The following NACC2 variants were observed in gnomAD, a reference collection of about 807,000 sequenced individuals.
The protein encoded by NACC2 is nucleus accumbens-associated protein 2.
A neutral mutation model predicts 25.1 loss-of-function variants in NACC2; 8 were observed. That is an observed-to-expected ratio of 0.32 (90% CI 0.19 to 0.57). The LOEUF (loss-of-function observed/expected upper bound fraction) is 0.57. NACC2 is among the 20% of genes least tolerant of loss of function. The pLI, the probability that NACC2 is intolerant of heterozygous loss-of-function variation, is 0.89. For missense variants in NACC2, 644 were observed against 650.2 expected, an observed-to-expected ratio of 0.99 and a Z score of 0.10; for synonymous variants, 435 against 294.7, an observed-to-expected ratio of 1.48 and a Z score of -4.88.
At chr9:136,016,228 C>A in intron 3 of NACC2, 37 bp downstream of exon 3, 1 of 1,605,846 alleles carries the variant, frequency 6.2e-7, no homozygotes, top group Non-Finnish European at 8.5e-7. Flanking sequence ...TAAATGAGGA[C>A]ATTTGCATAC....
intron 1 of NACC2, among the ~76,000 whole-genome samples, chr9:136,080,523 C>T (rs915365775): frequency 4.6e-5 from 7 of 152,100 alleles, no homozygotes; most frequent in African/African-American, 7.2e-5. Context: ...GTGCTGAGAT[C>T]GTGCCACTGC....
chr9:136,045,148 G>A (rs914181910), intron 2 of NACC2, among the ~76,000 whole-genome samples: 37 of 152,300 alleles, frequency 2.4e-4, no homozygotes, highest in Middle Eastern at 3.4e-3. Flanking sequence ...AGTTCAGACC[G>A]CCCCATGGAA....
chr9:136,069,609 T>C (rs1841127651), intron 1 of NACC2, among the ~76,000 whole-genome samples: 1 of 151,454 alleles, frequency 6.6e-6, no homozygotes, highest in African/African-American at 2.4e-5. Flanking sequence ...AATATAATGA[T>C]ATAGGTAGGT....
At chr9:136,064,150 G>A (rs1310539749) in intron 1 of NACC2, among the ~76,000 whole-genome samples, 2 of 151,820 alleles carry the variant, frequency 1.3e-5, no homozygotes, top group African/African-American at 4.8e-5. Context: ...TGAGCTGGGC[G>A]TTGTGTTGTG....
chr9:136,039,367 A>G (rs996592252), intron 2 of NACC2, among the ~76,000 whole-genome samples: 11 of 152,366 alleles, frequency 7.2e-5, no homozygotes, highest in Middle Eastern at 3.4e-3. Context: ...ACAATTAACA[A>G]CAGCAACAAA....
At chr9:136,059,065 G>A (rs535162239) in intron 1 of NACC2, among the ~76,000 whole-genome samples, 1 of 152,336 alleles carries the variant, frequency 6.6e-6, no homozygotes, top group African/African-American at 2.4e-5. Flanking sequence ...GGGGAGAAGC[G>A]TGATCTGGAA....
intron 2 of NACC2, among the ~76,000 whole-genome samples, chr9:136,032,085 T>C (rs1840483921): frequency 6.9e-6 from 1 of 144,590 alleles, no homozygotes; most frequent in Non-Finnish European, 1.5e-5. Flanking sequence ...ACTCCTGGGA[T>C]CCCACCGGCC....
chr9:136,018,247 G>A lies in NACC2; in HGVS notation c.887-1818C>T, dbSNP rs72656978. On this transcript the variant is annotated intron_variant, in intron 2 of 5. Transcript: ENST00000277554. The surrounding 1 kb of genome is among the most constrained non-coding windows in gnomAD (Gnocchi z 4.4). ...AGTCACAGAAAAACTCTACAGGGGT[G>A]GCTGAGCCTCGGGGCGTGGGGGGGC... is the stretch of plus-strand genomic sequence containing the variant. Among the ~76,000 whole-genome samples the A allele has an allele frequency of 2.0e-3, 301 of 152,230 alleles. 1 individual carries two copies. Among genetic ancestry groups the A allele is most frequent in the Non-Finnish European group, 3.6e-3 (245 of 67,978 alleles).
chr9:136,049,709 G>A lies in NACC2; in HGVS notation c.813C>T (p.Asp271=), dbSNP rs1020088312. Residue 271 remains aspartate, a synonymous_variant, in exon 2 of 6, where the codon GAC becomes GAT. Transcript: ENST00000277554. ...TSYHNEEDEE[D]DEAYDTMVEE... ...CCACCATGGTGTCGTAGGCCTCGTC[G>A]TCCTCCTCGTCCTCCTCGTTGTGGT... 12 of 778,994 alleles carry A rather than the reference G, an allele frequency of 1.5e-5. No homozygotes were observed. The highest frequency in any genetic ancestry group is 1.4e-4 in the Admixed American group (8 of 58,958). The allele number at this position is 778,994 out of a possible 1,614,324, so 48.3% of individuals were successfully genotyped here. A position where few individuals can be genotyped will look rare whatever the true frequency, so the allele number is the denominator to read the frequency against.
chr9:136,014,710 C>A (rs953558944), intron 3 of NACC2, among the ~76,000 whole-genome samples: 8 of 152,200 alleles, frequency 5.3e-5, no homozygotes, highest in African/African-American at 1.9e-4. Flanking sequence ...GAGACGGAAT[C>A]CCCTGGCTGG....
chr9:136,030,976 T>C (rs1195118517), intron 2 of NACC2, among the ~76,000 whole-genome samples: 2 of 152,098 alleles, frequency 1.3e-5, no homozygotes, highest in Non-Finnish European at 2.9e-5. Flanking sequence ...ATCTCAACTT[T>C]AGACGGAGCC....
chr9:136,033,894 GGTGTGTGT>G lies in NACC2; in HGVS notation c.886+15734_886+15741del, dbSNP rs57460855. ...ATGCAATCCCAATCAAATTCCAGCAGGTGTGTGTGTGTGTGTGTGTGTGTGTGTGTGTG... is the reference window on the plus strand; with the variant it reads ...ATGCAATCCCAATCAAATTCCAGCAGGTGTGTGTGTGTGTGTGTGTGTGTG... On this transcript the variant is annotated intron_variant, in intron 2 of 5. Transcript: ENST00000277554. Among the ~76,000 whole-genome samples, 788 of 137,024 alleles carry G rather than the reference GGTGTGTGT, an allele frequency of 5.8e-3. 1 individual carries two copies. The highest frequency in any genetic ancestry group is 0.013 in the African/African-American group (487 of 36,446). 89.9% of individuals were successfully genotyped at this position (137,024 alleles called of 152,430 possible).
Position 136,034,066 on chromosome 9 carries a change from T to A in NACC2, c.886+15570A>T, listed in dbSNP as rs899641121. Among the ~76,000 whole-genome samples, 97 of 151,984 alleles carry A rather than the reference T, an allele frequency of 6.4e-4. 1 individual carries two copies. The East Asian group carries it at 0.015, about 23-fold the overall frequency. On this transcript the variant is annotated intron_variant, in intron 2 of 5. Transcript: ENST00000277554. Reference sequence around the variant, plus strand: ...AATATTTAGAAAGATTCAGAAAAAATTTTTAAAAACATGTACTGCCATAGG... The same window carrying A: ...AATATTTAGAAAGATTCAGAAAAAAATTTTAAAAACATGTACTGCCATAGG...
intron 2 of NACC2, among the ~76,000 whole-genome samples, chr9:136,030,921 G>T (rs182498596): frequency 2.6e-5 from 4 of 151,960 alleles, no homozygotes; most frequent in Non-Finnish European, 5.9e-5. Flanking sequence ...CCTCAGCCTC[G>T]CAGTGCTGGG....
chr9:136,007,515 A>AGACGTG lies in NACC2; in HGVS notation c.*4000_*4001insCACGTC, dbSNP rs1840039620. The AGACGTG allele has an allele frequency of 4.3e-5, 1 of 23,364 alleles. No homozygotes were observed. The highest frequency in any genetic ancestry group is 2.1e-4 in the Non-Finnish European group (1 of 4,824). 1.4% of individuals were successfully genotyped at this position (23,364 alleles called of 1,614,324 possible). On this transcript the variant is annotated 3_prime_UTR_variant, in exon 6 of 6. Coordinates refer to ENST00000277554, the MANE Select transcript of NACC2 (RefSeq NM_144653.5). Reference sequence around the variant, plus strand: ...CAGACACACACATGCACAGACGCGCACACACAGACGCACAGACGTGCACAC... The same window carrying AGACGTG: ...CAGACACACACATGCACAGACGCGCAGACGTGCACACAGACGCACAGACGTGCACAC...
chr9:136,079,951 G>A (rs1419306279), intron 1 of NACC2, among the ~76,000 whole-genome samples: 1 of 152,252 alleles, frequency 6.6e-6, no homozygotes, highest in Non-Finnish European at 1.5e-5. Context: ...TCCCCAGGGA[G>A]AGGCGGCCCT....
rs1840037534 is a variant in NACC2 at position 136,007,503 on chromosome 9, GCA to G, written c.*4011_*4012del. ...CGCACACACGCACAGACACACACAT[GCA>G]CAGACGCGCACACACAGACGCACAG... On this transcript the variant is annotated 3_prime_UTR_variant, in exon 6 of 6. Transcript: ENST00000277554. 1 of 94,482 alleles carries G rather than the reference GCA, an allele frequency of 1.1e-5. No individual in the cohort carries two copies. Among genetic ancestry groups the G allele is most frequent in the Non-Finnish European group, 2.8e-5 (1 of 36,230 alleles). 5.9% of individuals were successfully genotyped at this position (94,482 alleles called of 1,614,324 possible). A position where few individuals can be genotyped will look rare whatever the true frequency, so the allele number is the denominator to read the frequency against.
rs1840786596 is a variant in NACC2 at position 136,049,698 on chromosome 9, T to C, written c.824A>G (p.Tyr275Cys). The stretch of plus-strand genomic sequence containing the variant: ...GTACTGCTCCTCCACCATGGTGTCG[T>C]AGGCCTCGTCGTCCTCCTCGTCCTC... Reference protein sequence around the residue: ...NEEDEEDDEAYDTMVEEQYGQ... With the variant: ...NEEDEEDDEACDTMVEEQYGQ... The change falls in exon 2 of 6, where the codon TAC (tyrosine) becomes TGC (cysteine). Residue 275 changes from tyrosine to cysteine, a missense_variant. Physicochemically the swap from Tyr to Cys is radical, Grantham distance 194. Coordinates refer to ENST00000277554, the MANE Select transcript of NACC2 (RefSeq NM_144653.5). 3 of 779,272 alleles carry C rather than the reference T, an allele frequency of 3.8e-6. No individual in the cohort carries two copies. Among genetic ancestry groups the C allele is most frequent in the Admixed American group, 3.4e-5 (2 of 58,994 alleles). 48.3% of individuals were successfully genotyped at this position (779,272 alleles called of 1,614,324 possible). A position where few individuals can be genotyped will look rare whatever the true frequency, so the allele number is the denominator to read the frequency against.
intron 1 of NACC2, among the ~76,000 whole-genome samples, chr9:136,072,929 C>A (rs1352390017): frequency 2.0e-5 from 3 of 151,938 alleles, no homozygotes; most frequent in African/African-American, 4.8e-5. Flanking sequence ...AAAAAACACA[C>A]AAGAGAATAA....
Sources: gnomAD v4.1 joint callset for allele counts (sites outside exome capture counted in the v4.1 genomes callset) on GRCh38, gnomAD v4.1.1 for gene constraint, Gnocchi (gnomAD v3.1) non-coding constraint, MANE v1.5 for transcripts, NCBI Gene and HGNC (gene_info 2026-07-23, HGNC 2026-07-21) for gene names.